Variants in CTIF observed in about 807,000 individuals in gnomAD.
CTIF encodes cap binding complex dependent translation initiation factor.
A neutral mutation model predicts 66.0 loss-of-function variants in CTIF; 21 were observed. The observed-to-expected ratio is 0.32, with a 90% CI of 0.23 to 0.46. CTIF has a LOEUF of 0.46. Ranked by LOEUF, CTIF falls within the 20% of genes least tolerant of loss-of-function variation. The pLI is 1.00. For missense variants in CTIF, 739 were observed against 812.7 expected (o/e 0.91, Z 1.10); for synonymous variants, 345 against 326.4 (o/e 1.06, Z -0.62).
intron 7 of CTIF, among the ~76,000 whole-genome samples, chr18:48,718,021 C>T (rs1262005296): frequency 6.6e-6 from 1 of 152,240 alleles, no homozygotes; most frequent in Non-Finnish European, 1.5e-5. Context: ...GGATTATAGA[C>T]ACAAGCCACC....
intron 9 of CTIF, among the ~76,000 whole-genome samples, chr18:48,796,552 A>G (rs983505605): frequency 6.6e-6 from 1 of 152,144 alleles, no homozygotes; most frequent in African/African-American, 2.4e-5. Flanking sequence ...CTGTGTGCCG[A>G]CAAAGGGAGC....
At chr18:48,780,977 A>G (rs1171512414) in intron 9 of CTIF, among the ~76,000 whole-genome samples, 1 of 152,216 alleles carries the variant, frequency 6.6e-6, no homozygotes, top group Non-Finnish European at 1.5e-5. Context: ...CTCAGATCGC[A>G]AAAGACTAGC....
At chr18:48,824,015 A>ACACACACAC (rs1568247744) in intron 10 of CTIF, among the ~76,000 whole-genome samples, 1 of 87,152 alleles carries the variant, frequency 1.1e-5, no homozygotes. Context: ...CACACACACA[A>ACACACACAC]ACTGCTAGAA....
chr18:48,806,318 A>G (rs2068146120), intron 9 of CTIF, among the ~76,000 whole-genome samples: 1 of 152,178 alleles, frequency 6.6e-6, no homozygotes, highest in Non-Finnish European at 1.5e-5. Context: ...GGGCTCCCAC[A>G]GCTCCCCATG....
chr18:48,699,746 C>T (rs535712227), intron 6 of CTIF, among the ~76,000 whole-genome samples: 1 of 152,330 alleles, frequency 6.6e-6, no homozygotes, highest in Non-Finnish European at 1.5e-5. Flanking sequence ...ATTTAACCCT[C>T]GTAACGGTCC....
chr18:48,847,112 A>G (rs180733107), intron 10 of CTIF, among the ~76,000 whole-genome samples: 7 of 152,208 alleles, frequency 4.6e-5, no homozygotes, highest in East Asian at 3.9e-4. Flanking sequence ...GATGGAGACC[A>G]TCCCGGCCAA....
rs567099622 is a variant in CTIF, at chr18:48,852,313, T to TGCTGAGTA, written c.1528-5274_1528-5267dup. 3.0e-3 allele frequency among the ~76,000 whole-genome samples: 432 copies of TGCTGAGTA among 146,366 alleles called. 1 individual carries two copies. Among genetic ancestry groups the TGCTGAGTA allele is most frequent in the Admixed American group, 4.5e-3 (66 of 14,526 alleles). Reference sequence around the variant, plus strand: ...TCCTGATGTTAATCCCCATTTTCCCTGCTGAGTAAGTGTGGCTAGGCCCAC... The same window carrying TGCTGAGTA: ...TCCTGATGTTAATCCCCATTTTCCCTGCTGAGTAGCTGAGTAAGTGTGGCTAGGCCCAC... On this transcript the variant is annotated intron_variant, in intron 10 of 11. Transcript: ENST00000256413.
chr18:48,689,065 C>T (rs772728047), intron 6 of CTIF, among the ~76,000 whole-genome samples: 6 of 152,184 alleles, frequency 3.9e-5, no homozygotes, highest in Non-Finnish European at 7.3e-5. Context: ...AGGGCTCTTC[C>T]GAAAGATGCG....
intron 10 of CTIF, among the ~76,000 whole-genome samples, chr18:48,822,999 T>C (rs1431671850): frequency 6.6e-6 from 1 of 152,242 alleles, no homozygotes; most frequent in Non-Finnish European, 1.5e-5. Flanking sequence ...AGACTAGTTT[T>C]AAATTGAGTT....
At chr18:48,677,226 C>T (rs201883222) in intron 6 of CTIF, among the ~76,000 whole-genome samples, 2 of 152,316 alleles carry the variant, frequency 1.3e-5, no homozygotes, top group East Asian at 1.9e-4. Context: ...TGCCCCACCT[C>T]GCCTCCCCAG....
chr18:48,699,698 G>A (rs1002349008), intron 6 of CTIF, among the ~76,000 whole-genome samples: 12 of 152,218 alleles, frequency 7.9e-5, no homozygotes, highest in Non-Finnish European at 1.6e-4. Context: ...GCATTCTTGA[G>A]CTGGGCTGTC....
chr18:48,717,667 A>T (rs56174966), intron 7 of CTIF, among the ~76,000 whole-genome samples: 25,284 of 152,108 alleles, frequency 0.17, 3,315 homozygotes, highest in African/African-American at 0.37. Context: ...CAATTAAAAA[A>T]AATTTAAAGA....
chr18:48,795,054 C>A (rs1013530739), intron 9 of CTIF, among the ~76,000 whole-genome samples: 1 of 152,210 alleles, frequency 6.6e-6, no homozygotes, highest in African/African-American at 2.4e-5. Flanking sequence ...TTAGTTTTGC[C>A]GTAGCTTCCT....
At chr18:48,830,891 G>C (rs112353206) in intron 10 of CTIF, among the ~76,000 whole-genome samples, 49 of 152,308 alleles carry the variant, frequency 3.2e-4, no homozygotes, top group African/African-American at 1.0e-3. Flanking sequence ...GGCAGGGAAC[G>C]TGTCTATTCA....
At position 48,666,450 on chromosome 18, in the gene CTIF, G is replaced by A. The variant is rs571054853; in HGVS notation, c.431+1899G>A. On this transcript the variant is annotated intron_variant, in intron 5 of 11. Transcript: ENST00000256413. ...CTGAATAACAGAGCCATCATTTAAG[G>A]CCAGGCCTTCTGACACCATCCAACC... Among the ~76,000 whole-genome samples, 14 of 152,296 alleles carry A rather than the reference G, an allele frequency of 9.2e-5. 1 individual carries two copies. The highest frequency in any genetic ancestry group is 2.0e-4 in the Admixed American group (3 of 15,294).
rs1485273818 is a variant in CTIF, at chr18:48,860,904, G to A, written c.*1345G>A. On this transcript the variant is annotated 3_prime_UTR_variant, in exon 12 of 12. Coordinates refer to ENST00000256413, the MANE Select transcript of CTIF (RefSeq NM_014772.3). ...TGGGGAGCAGGCCCTGTTGTTGGCT[G>A]GAGAGGAAGGTGTGGGGTGGAACAG... 6.6e-6 allele frequency: 1 copy of A among 152,200 alleles called. No individual in the cohort carries two copies. Among genetic ancestry groups the A allele is most frequent in the Admixed American group, 6.5e-5 (1 of 15,284 alleles). The allele number at this position is 152,200 out of a possible 1,614,324, so 9.4% of individuals were successfully genotyped here. A position where few individuals can be genotyped will look rare whatever the true frequency, so the allele number is the denominator to read the frequency against.
Position 48,664,498 on chromosome 18 carries a change from C to G in CTIF, c.378C>G (p.His126Gln). 1 of 1,613,556 alleles carries G rather than the reference C, an allele frequency of 6.2e-7. No individual in the cohort carries two copies. Among genetic ancestry groups the G allele is most frequent in the Non-Finnish European group, 8.5e-7 (1 of 1,179,994 alleles). Residue 126 changes from histidine to glutamine, a missense_variant, in exon 5 of 12, where the codon CAC becomes CAG. By Grantham distance (24) the His-to-Gln change is conservative. This residue lies in a region of CTIF where 529 missense variants were observed against 520.3 expected (regional missense o/e 1.02). Coordinates refer to ENST00000256413, the MANE Select transcript of CTIF (RefSeq NM_014772.3). Reference protein sequence around the residue: ...QPEKLDFTQFHRKVRHTPKQP... With the variant: ...QPEKLDFTQFQRKVRHTPKQP... ...AAAAGCTGGACTTCACCCAGTTCCACCGCAAAGTCCGACACACGCCCAAGC... is the reference window on the plus strand; with the variant it reads ...AAAAGCTGGACTTCACCCAGTTCCAGCGCAAAGTCCGACACACGCCCAAGC...
chr18:48,560,505 G>A (rs1031959942), intron 1 of CTIF, among the ~76,000 whole-genome samples: 28 of 151,504 alleles, frequency 1.8e-4, no homozygotes, highest in Non-Finnish European at 3.1e-4. Context: ...GATTACAGGC[G>A]TGAGCCACCA....
chr18:48,612,305 C>G (rs185384466), intron 1 of CTIF, among the ~76,000 whole-genome samples: 25 of 152,260 alleles, frequency 1.6e-4, no homozygotes, highest in African/African-American at 6.0e-4. Context: ...GCCTGGGCAC[C>G]CTGGCCTCTC....
Sources: gnomAD v4.1 joint callset for allele counts (sites outside exome capture counted in the v4.1 genomes callset) on GRCh38, gnomAD v4.1.1 for gene constraint, gnomAD v4.1.1 regional missense constraint, MANE v1.5 for transcripts, NCBI Gene and HGNC (gene_info 2026-07-23, HGNC 2026-07-21) for gene names.